Variants in HDAC9 observed in about 807,000 individuals in gnomAD.
The protein encoded by HDAC9 is MEF-2 interacting transcription repressor (MITR) protein.
Under a neutral mutation model 139.4 loss-of-function variants are expected in HDAC9, and 41 were observed. That is an observed-to-expected ratio of 0.29 (90% CI 0.23 to 0.38). The LOEUF (loss-of-function observed/expected upper bound fraction) is 0.38. HDAC9 is among the 10% of genes least tolerant of loss of function. The pLI is 1.00. For missense variants in HDAC9, 1,147 were observed against 1,297.0 expected, an observed-to-expected ratio of 0.88 and a Z score of 1.78; for synonymous variants, 517 against 476.2, an observed-to-expected ratio of 1.09 and a Z score of -1.12.
At chr7:18,449,058 A>AAACACTTT (rs1195768121) in intron 1 of HDAC9, among the ~76,000 whole-genome samples, 3 of 152,160 alleles carry the variant, frequency 2.0e-5, no homozygotes, top group African/African-American at 7.2e-5. Context: ...ATTAAGCCCA[A>AAACACTTT]AACACTTTAT....
intron 2 of HDAC9, among the ~76,000 whole-genome samples, chr7:18,193,725 C>G (rs1790527640): frequency 6.6e-6 from 1 of 152,100 alleles, no homozygotes; most frequent in South Asian, 2.1e-4. Context: ...AGTGTCAGTT[C>G]TGCTCTATGA....
intron 1 of HDAC9, among the ~76,000 whole-genome samples, chr7:18,392,700 A>G (rs946421973): frequency 6.6e-6 from 1 of 152,112 alleles, no homozygotes; most frequent in African/African-American, 2.4e-5. Context: ...TGTCATCAAC[A>G]AAGTATTTGA....
At chr7:18,427,209 C>G (rs985545780) in intron 1 of HDAC9, among the ~76,000 whole-genome samples, 4 of 152,090 alleles carry the variant, frequency 2.6e-5, no homozygotes, top group African/African-American at 9.7e-5. Context: ...CTCTCTATTC[C>G]TAAATTCCTG....
chr7:18,652,246 C>T (rs1243569968), intron 11 of HDAC9, among the ~76,000 whole-genome samples: 1 of 152,024 alleles, frequency 6.6e-6, no homozygotes, highest in East Asian at 1.9e-4. Flanking sequence ...ATGCTTTTGC[C>T]AGTACACCTT....
chr7:18,902,276 C>A (rs189905900), intron 22 of HDAC9, among the ~76,000 whole-genome samples: 1 of 152,136 alleles, frequency 6.6e-6, no homozygotes, highest in Non-Finnish European at 1.5e-5. Context: ...GAAGGTTCTT[C>A]TCACTCCTGG....
chr7:18,932,563 C>T (rs1422126992), intron 22 of HDAC9, among the ~76,000 whole-genome samples: 6 of 151,972 alleles, frequency 3.9e-5, no homozygotes, highest in Admixed American at 2.0e-4. Flanking sequence ...TAATCTACTG[C>T]ATATTGCAAA....
At chr7:18,476,366 A>G (rs1410394621) in intron 1 of HDAC9, among the ~76,000 whole-genome samples, 1 of 152,158 alleles carries the variant, frequency 6.6e-6, no homozygotes, top group Non-Finnish European at 1.5e-5. Flanking sequence ...TGACTTAATG[A>G]CCAACAAGTT....
intron 2 of HDAC9, among the ~76,000 whole-genome samples, chr7:18,528,595 T>A (rs766612970): frequency 6.6e-6 from 1 of 152,136 alleles, no homozygotes; most frequent in African/African-American, 2.4e-5. Flanking sequence ...CATAATTATG[T>A]ACCAGAATAA....
rs1012534007 is a variant in HDAC9, at chr7:18,112,651, A to T, written c.-97+25438A>T. 1.6e-4 allele frequency among the ~76,000 whole-genome samples: 25 copies of T among 152,236 alleles called. 1 individual carries two copies. Among genetic ancestry groups the T allele is most frequent in the Admixed American group, 3.3e-4 (5 of 15,276 alleles). ...CTATATGGAATTTTCAGTAAAGGAT[A>T]TTATATGTTTTATTATTATTTGTCA... is the stretch of plus-strand genomic sequence containing the variant. On this transcript the variant is annotated intron_variant, in intron 1 of 12. Transcript: ENST00000417496.
At chr7:18,807,280 G>A (rs1220207384) in intron 17 of HDAC9, among the ~76,000 whole-genome samples, 1 of 151,986 alleles carries the variant, frequency 6.6e-6, no homozygotes, top group Non-Finnish European at 1.5e-5. Flanking sequence ...TATTTCTGTG[G>A]TATCAGTTGT....
At chr7:18,856,006 C>T (rs1430375691) in intron 21 of HDAC9, among the ~76,000 whole-genome samples, 2 of 152,144 alleles carry the variant, frequency 1.3e-5, no homozygotes, top group Non-Finnish European at 2.9e-5. Context: ...AAGAATTCAG[C>T]ACAGACCACA....
At position 18,235,600 on chromosome 7, in the gene HDAC9, A is replaced by G. The variant is rs559613258; in HGVS notation, c.25+73251A>G. ...AGGTTTTATAAACTTTTAACCACTT[A>G]GGCTGATTGGAAGTTATTTGCATCA... is the stretch of plus-strand genomic sequence containing the variant. On this transcript the variant is annotated intron_variant, in intron 2 of 12. Coordinates refer to the HDAC9 transcript ENST00000417496. Among the ~76,000 whole-genome samples, 6 of 152,368 alleles carry G rather than the reference A, an allele frequency of 3.9e-5. No individual in the cohort carries two copies. In the South Asian group the frequency reaches 1.2e-3, roughly 32 times the overall value.
chr7:18,574,676 T>C (rs1825438774), intron 2 of HDAC9, among the ~76,000 whole-genome samples: 1 of 152,204 alleles, frequency 6.6e-6, no homozygotes, highest in African/African-American at 2.4e-5. Flanking sequence ...CCACTCATGC[T>C]CTTTGGTGCC....
At chr7:18,459,567 A>G (rs1472198466) in intron 1 of HDAC9, among the ~76,000 whole-genome samples, 1 of 152,126 alleles carries the variant, frequency 6.6e-6, no homozygotes, top group Non-Finnish European at 1.5e-5. Flanking sequence ...ACCACAGAAA[A>G]CAGCCCTTAG....
chr7:18,864,336 G>A (rs1323113856), intron 21 of HDAC9, among the ~76,000 whole-genome samples: 1 of 152,172 alleles, frequency 6.6e-6, no homozygotes, highest in Non-Finnish European at 1.5e-5. Context: ...CAAACTCATA[G>A]AAGCAGACAG....
chr7:18,915,574 C>G (rs946633337), intron 22 of HDAC9, among the ~76,000 whole-genome samples: 5 of 151,336 alleles, frequency 3.3e-5, no homozygotes, highest in African/African-American at 9.7e-5. Context: ...TGACAGTTTG[C>G]AAATCAGGAG....
intron 2 of HDAC9, among the ~76,000 whole-genome samples, chr7:18,580,920 A>T (rs914728139): frequency 1.3e-5 from 2 of 152,210 alleles, no homozygotes; most frequent in East Asian, 3.8e-4. Flanking sequence ...GGGGAGGCTT[A>T]TTAGCCTGTC....
rs188626093 is a variant in HDAC9, at chr7:18,936,506, A to G, written c.2937+564A>G. ...ACCATTATATTTTCTTTCACATCAC[A>G]TGGCTACATTGCAACATACTTTCTG... is the stretch of plus-strand genomic sequence containing the variant. On this transcript the variant is annotated intron_variant, in intron 23 of 25. Coordinates refer to ENST00000686413, the MANE Select transcript of HDAC9 (RefSeq NM_178425.4). Among the ~76,000 whole-genome samples, 95 of 152,294 alleles carry G rather than the reference A, an allele frequency of 6.2e-4. 2 individuals are homozygous for G. Among genetic ancestry groups the G allele is most frequent in the Admixed American group, 7.2e-4 (11 of 15,302 alleles).
rs192413418 is a variant in HDAC9 at position 18,177,198 on chromosome 7, C to T, written c.25+14849C>T. ...TAAGTAAGTTATGGAAAATAAAATA[C>T]GTGAGGAGGAAGGGAAATGAAGGGA... On this transcript the variant is annotated intron_variant, in intron 2 of 12. Coordinates refer to the HDAC9 transcript ENST00000417496. Among the ~76,000 whole-genome samples the T allele has an allele frequency of 8.5e-5, 13 of 152,160 alleles. No homozygotes were observed. The East Asian group carries it at 1.2e-3, about 14-fold the overall frequency.
Sources: gnomAD v4.1 joint callset for allele counts (sites outside exome capture counted in the v4.1 genomes callset) on GRCh38, gnomAD v4.1.1 for gene constraint, MANE v1.5 for transcripts, NCBI Gene and HGNC (gene_info 2026-07-23, HGNC 2026-07-21) for gene names.